Variants in MAD1L1 observed in about 807,000 individuals in gnomAD.
MAD1L1 encodes mitotic spindle assembly checkpoint protein MAD1.
In MAD1L1, 95 loss-of-function variants were observed where a neutral mutation model predicts 96.9. The observed-to-expected ratio is 0.98, with a 90% confidence interval of 0.83 to 1.16. MAD1L1 has a LOEUF of 1.16. Among genes scored for constraint, MAD1L1 ranks in the 50% most tolerant of loss-of-function variants. The probability of loss-of-function intolerance (pLI) is 0.00; values close to 1 mark genes in which losing one functional copy is unlikely to be tolerated. For synonymous variants in MAD1L1, 473 were observed against 396.6 expected, an observed-to-expected ratio of 1.19 and a Z score of -2.29; for missense variants, 1,007 against 954.4, an observed-to-expected ratio of 1.06 and a Z score of -0.73.
At chr7:2,015,239 C>T (rs1782484503) in intron 12 of MAD1L1, among the ~76,000 whole-genome samples, 1 of 152,234 alleles carries the variant, frequency 6.6e-6, no homozygotes, top group Admixed American at 6.5e-5. Flanking sequence ...CCGCCCAGGG[C>T]TCTCGGGAAG....
intron 12 of MAD1L1, among the ~76,000 whole-genome samples, chr7:2,053,310 G>A (rs578204695): frequency 1.3e-5 from 2 of 152,194 alleles, no homozygotes; most frequent in African/African-American, 4.8e-5. Context: ...GGCGGGGGCA[G>A]AGCACAGGGC....
chr7:1,919,452 G>A (rs778413159), intron 17 of MAD1L1, among the ~76,000 whole-genome samples: 4 of 152,216 alleles, frequency 2.6e-5, no homozygotes, highest in African/African-American at 7.2e-5. Flanking sequence ...CAAGCCTGCC[G>A]TCCTCGCTGG....
chr7:1,945,701 C>T (rs371982055), intron 16 of MAD1L1, among the ~76,000 whole-genome samples: 4 of 152,202 alleles, frequency 2.6e-5, no homozygotes, highest in South Asian at 4.1e-4. Context: ...TGGAGGAGAA[C>T]GGTCATGCAG....
intron 18 of MAD1L1, among the ~76,000 whole-genome samples, chr7:1,850,961 G>A (rs1255849094): frequency 6.6e-6 from 1 of 152,200 alleles, no homozygotes; most frequent in South Asian, 2.1e-4. Context: ...CACGAGAAGG[G>A]CCTGGCGTCG....
intron 17 of MAD1L1, among the ~76,000 whole-genome samples, chr7:1,898,994 C>A (rs570102219): frequency 4.1e-4 from 63 of 152,200 alleles, no homozygotes; most frequent in African/African-American, 1.5e-3. Flanking sequence ...AGGAGGCCAC[C>A]GGGACGTTCC....
At chr7:1,842,818 C>T (rs562239597) in intron 18 of MAD1L1, among the ~76,000 whole-genome samples, 35 of 152,360 alleles carry the variant, frequency 2.3e-4, no homozygotes, top group African/African-American at 7.7e-4. Flanking sequence ...TGCACAGCTG[C>T]GTCCCACATG....
At chr7:2,013,467 G>C (rs1782391696) in intron 13 of MAD1L1, among the ~76,000 whole-genome samples, 1 of 152,262 alleles carries the variant, frequency 6.6e-6, no homozygotes, top group South Asian at 2.1e-4. Flanking sequence ...TCACACACCA[G>C]CTCGGTGACC....
intron 17 of MAD1L1, among the ~76,000 whole-genome samples, chr7:1,929,007 G>A (rs1035586706): frequency 1.3e-5 from 2 of 152,188 alleles, no homozygotes; most frequent in South Asian, 2.1e-4. Flanking sequence ...TGCACAGGAC[G>A]CAACAGAAAG....
intron 17 of MAD1L1, among the ~76,000 whole-genome samples, chr7:1,932,127 C>A (rs1187399304): frequency 6.6e-6 from 1 of 152,240 alleles, no homozygotes; most frequent in African/African-American, 2.4e-5. Context: ...GGGTTCCAGC[C>A]CCCGCTGGAG....
intron 15 of MAD1L1, among the ~76,000 whole-genome samples, chr7:1,963,768 C>A (rs984955237): frequency 6.6e-6 from 1 of 152,222 alleles, no homozygotes; most frequent in East Asian, 1.9e-4. Context: ...CTCACACCAA[C>A]ATCCTGAGCA....
rs981821555 is a variant in MAD1L1, at chr7:2,103,830, G to A, written c.1074-34492C>T. 1.3e-5 allele frequency among the ~76,000 whole-genome samples: 2 copies of A among 152,226 alleles called. No homozygotes were observed. Among genetic ancestry groups the A allele is most frequent in the African/African-American group, 2.4e-5 (1 of 41,454 alleles). Reference sequence around the variant, plus strand: ...AGGCAGAGGGACAGTCTCACAGGTGGTGTCCGGACTCTGGAGATGGGGTGG... The same window carrying A: ...AGGCAGAGGGACAGTCTCACAGGTGATGTCCGGACTCTGGAGATGGGGTGG... On this transcript the variant is annotated intron_variant, in intron 11 of 18. Transcript: ENST00000265854. This position sits in a 1 kb window ranked among gnomAD's most constrained non-coding sequence, Gnocchi z 4.3.
chr7:2,136,115 C>A (rs1788736863), intron 11 of MAD1L1, among the ~76,000 whole-genome samples: 2 of 152,180 alleles, frequency 1.3e-5, no homozygotes, highest in Non-Finnish European at 2.9e-5. Context: ...ACCAAAAATG[C>A]CTGTCACAGC....
chr7:2,157,213 T>C (rs764591783), intron 10 of MAD1L1, among the ~76,000 whole-genome samples: 3 of 152,110 alleles, frequency 2.0e-5, no homozygotes, highest in Non-Finnish European at 4.4e-5. Context: ...ATTTTAAGAA[T>C]AGAAATCAAT....
intron 13 of MAD1L1, among the ~76,000 whole-genome samples, chr7:2,006,839 G>A (rs1782055040): frequency 1.3e-5 from 2 of 152,140 alleles, no homozygotes; most frequent in Non-Finnish European, 1.5e-5. Flanking sequence ...TCCAAAATGC[G>A]CTAGAACTTC....
At chr7:1,901,825 C>G (rs1175914412) in intron 17 of MAD1L1, among the ~76,000 whole-genome samples, 1 of 152,222 alleles carries the variant, frequency 6.6e-6, no homozygotes, top group Non-Finnish European at 1.5e-5. Flanking sequence ...CCACACTGAC[C>G]AGGAGCACCT....
At chr7:2,128,198 T>A (rs562108650) in intron 11 of MAD1L1, among the ~76,000 whole-genome samples, 1 of 152,208 alleles carries the variant, frequency 6.6e-6, no homozygotes, top group South Asian at 2.1e-4. Context: ...TTGCATACAT[T>A]CTTTAGAGTT....
intron 10 of MAD1L1, among the ~76,000 whole-genome samples, chr7:2,179,777 C>G (rs1659178231): frequency 6.6e-6 from 1 of 152,038 alleles, no homozygotes; most frequent in Non-Finnish European, 1.5e-5. Context: ...TGAGACCAGC[C>G]TGGCCAACAT....
chr7:2,219,309 C>T, intron 6 of MAD1L1, 23 bp downstream of exon 6: 1 of 1,544,870 alleles, frequency 6.5e-7, no homozygotes. Context: ...CGACCCCCGA[C>T]CCCACACCCT....
intron 15 of MAD1L1, among the ~76,000 whole-genome samples, chr7:1,960,355 G>C (rs896490688): frequency 6.6e-6 from 1 of 151,512 alleles, no homozygotes; most frequent in Admixed American, 6.6e-5. Context: ...GATGTAAGTA[G>C]CCTAACTACC....
Sources: allele counts gnomAD v4.1 joint callset (sites outside exome capture counted in the v4.1 genomes callset), GRCh38; gene constraint gnomAD v4.1.1; non-coding constraint Gnocchi (gnomAD v3.1); transcripts MANE v1.5; gene names NCBI Gene and HGNC (gene_info 2026-07-23, HGNC 2026-07-21).